SP110: variants seen among roughly 807,000 people sequenced by gnomAD.
SP110 encodes interferon-induced protein 41, 30kD.
A neutral mutation model predicts 92.7 loss-of-function variants in SP110; 62 were observed. The ratio of observed to expected loss-of-function variants is 0.67; its 90% confidence interval spans 0.55 to 0.83. The LOEUF (loss-of-function observed/expected upper bound fraction) is 0.83. SP110 is among the 40% of genes least tolerant of loss of function. SP110 has a pLI of 0.00. For synonymous variants in SP110, 273 were observed against 305.3 expected (o/e 0.89, Z 1.10); for missense variants, 793 against 863.9 (o/e 0.92, Z 1.03).
chr2:230,178,367 G>A, intron 12 of SP110, 112 bp from the exon 13 acceptor site: 1 of 711,708 alleles, frequency 1.4e-6, no homozygotes, highest in Non-Finnish European at 2.5e-6. Context: ...AACGTTCTCT[G>A]GTTAGTTTGC....
chr2:230,168,612 A>T lies in SP110; in HGVS notation c.*512T>A, dbSNP rs1450110955. ...AAACAAACCCCTCAAAACCTGAGTT[A>T]AAGCAAGCTTCTAGATCTAACTTCT... is the stretch of plus-strand genomic sequence containing the variant. On this transcript the variant is annotated 3_prime_UTR_variant, in exon 19 of 19. Transcript: ENST00000258381. The T allele has an allele frequency of 3.3e-5, 5 of 153,686 alleles. No individual in the cohort carries two copies. The highest frequency in any genetic ancestry group is 3.4e-3 in the Middle Eastern group (1 of 294). 9.5% of individuals were successfully genotyped at this position (153,686 alleles called of 1,614,324 possible).
chr2:230,225,581 C>T (rs1281769905), exon 1 of SP110: 5 of 545,730 alleles, frequency 9.2e-6, no homozygotes, highest in Non-Finnish European at 1.3e-5. Flanking sequence ...TTTCCACCCT[C>T]TTTCCTTGGC....
chr2:230,185,768 G>A (rs2042326965), intron 11 of SP110, among the ~76,000 whole-genome samples: 1 of 152,206 alleles, frequency 6.6e-6, no homozygotes, highest in Non-Finnish European at 1.5e-5. Context: ...CTGGGGAGTA[G>A]TCATGTAAAT....
Position 230,172,081 on chromosome 2 carries a change from C to G in SP110, c.1800G>C (p.Gln600His), listed in dbSNP as rs2078459015. 26 of 1,605,552 alleles carry G rather than the reference C, an allele frequency of 1.6e-5. No individual in the cohort carries two copies. The highest frequency in any genetic ancestry group is 2.1e-5 in the Non-Finnish European group (25 of 1,172,174). The change falls in exon 16 of 19, where the codon CAG (glutamine) becomes CAC (histidine). Residue 600 changes from glutamine (Q) to histidine (H), a missense_variant. Transcript: ENST00000258381. ...TCCAACTCACCAGCTGGTCCTGAGG[C>G]TGCATCTGCCTCTCCAGGGTCTTAG... The part of the protein sequence containing the change: ...HVSKTLERQM[Q>H]PQDQLKCEFL...
At chr2:230,218,641 G>A (rs1005678703) in intron 1 of SP110, among the ~76,000 whole-genome samples, 1 of 152,180 alleles carries the variant, frequency 6.6e-6, no homozygotes, top group African/African-American at 2.4e-5. Flanking sequence ...TCTGTCATGA[G>A]TCCCAAAGAT....
chr2:230,176,864 T>C, intron 14 of SP110: 1 of 837,440 alleles, frequency 1.2e-6, no homozygotes, highest in Non-Finnish European at 1.9e-6. Flanking sequence ...AAAGAAAAAT[T>C]AGCTCCCTCC....
At chr2:230,183,448 A>T (rs1344829525) in intron 12 of SP110, 124 bp downstream of exon 12, 1 of 779,488 alleles carries the variant, frequency 1.3e-6, no homozygotes, top group East Asian at 2.4e-5. Flanking sequence ...GCTGGTACCC[A>T]TGACGGTGGA....
At chr2:230,170,832 A>G in intron 17 of SP110, 71 bp from the exon 18 acceptor site, 2 of 1,480,960 alleles carry the variant, frequency 1.4e-6, no homozygotes, top group Non-Finnish European at 1.9e-6. Flanking sequence ...ACTTAAATAC[A>G]ATCCAAGCCT....
At chr2:230,182,309 G>C (rs1560535972) in intron 12 of SP110, among the ~76,000 whole-genome samples, 2 of 152,266 alleles carry the variant, frequency 1.3e-5, no homozygotes, top group African/African-American at 2.4e-5. Context: ...GGCCTATCAG[G>C]GGAGCAGGAG....
intron 1 of SP110, among the ~76,000 whole-genome samples, chr2:230,218,161 A>G (rs1057234547): frequency 2.0e-5 from 3 of 152,252 alleles, no homozygotes; most frequent in African/African-American, 7.2e-5. Context: ...AAAACATTCA[A>G]TCAACTTGAC....
intron 1 of SP110, among the ~76,000 whole-genome samples, chr2:230,217,204 C>A (rs1216278113): frequency 7.1e-6 from 1 of 140,388 alleles, no homozygotes; most frequent in Non-Finnish European, 1.5e-5. Context: ...CAAGATTGTG[C>A]CACTGCACTC....
intron 10 of SP110, among the ~76,000 whole-genome samples, chr2:230,198,133 C>CTGTAGGGCCGGAAGTCCTT (rs1553537782): frequency 6.6e-6 from 1 of 152,146 alleles, no homozygotes; most frequent in African/African-American, 2.4e-5. Flanking sequence ...TGGAAGTCCT[C>CTGTAGGGCCGGAAGTCCTT]TGTAGGGCCC....
At chr2:230,187,651 C>T (rs1320872161) in intron 10 of SP110, among the ~76,000 whole-genome samples, 1 of 152,016 alleles carries the variant, frequency 6.6e-6, no homozygotes, top group Non-Finnish European at 1.5e-5. Context: ...TTTGATCCAT[C>T]TTGAGTTAAT....
chr2:230,180,121 A>T (rs1487336531), intron 12 of SP110, among the ~76,000 whole-genome samples: 1 of 152,182 alleles, frequency 6.6e-6, no homozygotes, highest in Admixed American at 6.5e-5. Context: ...AGCAGCGGTG[A>T]GTTTAGGTCC....
In SP110 at chr2:230,178,013, G is replaced by T. The variant is rs545848913; in HGVS notation, c.1447+144C>A. The T allele has an allele frequency of 5.0e-5, 35 of 706,902 alleles. No homozygotes were observed. In the East Asian group the frequency reaches 9.5e-4, roughly 19 times the overall value. 43.8% of individuals were successfully genotyped at this position (706,902 alleles called of 1,614,324 possible). On this transcript the variant is annotated intron_variant, in intron 13 of 18. Transcript: ENST00000258381. ...GAAATACCATGATGTGGAAGAGTTTGGAAATTCCTTCCTAAGAAGCGTTTC... is the reference window on the plus strand; with the variant it reads ...GAAATACCATGATGTGGAAGAGTTTTGAAATTCCTTCCTAAGAAGCGTTTC...
chr2:230,207,172 G>A (rs2043959068), intron 8 of SP110, among the ~76,000 whole-genome samples: 1 of 152,130 alleles, frequency 6.6e-6, no homozygotes, highest in Admixed American at 6.6e-5. Context: ...CAGGAGGAAA[G>A]GATGATGGCT....
chr2:230,171,025 C>T, intron 17 of SP110: 1 of 549,704 alleles, frequency 1.8e-6, no homozygotes. Context: ...GGTCAAGGAA[C>T]CTACCCAAGA....
chr2:230,208,381 T>C (rs897630178), intron 7 of SP110, among the ~76,000 whole-genome samples: 2 of 152,180 alleles, frequency 1.3e-5, no homozygotes, highest in African/African-American at 4.8e-5. Context: ...CTGTGATACA[T>C]GTAATGCAGA....
Position 230,211,532 on chromosome 2 carries a change from G to A in SP110, c.689C>T (p.Pro230Leu). 6.2e-7 allele frequency: 1 copy of A among 1,610,662 alleles called. No individual in the cohort carries two copies. Among genetic ancestry groups the A allele is most frequent in the South Asian group, 1.1e-5 (1 of 90,998 alleles). ...TVQVASDNLI[P>L]QIRDKEDPQE... The stretch of plus-strand genomic sequence containing the variant: ...AGGGTCTTCTTTATCTCTTATTTGG[G>A]GGATCAGGTTGTCACTGGCCACTGA... Residue 230 changes from proline to leucine, a missense_variant, in exon 6 of 19, where the codon CCC becomes CTC. Coordinates refer to ENST00000258381, the MANE Select transcript of SP110 (RefSeq NM_080424.4). The surrounding 1 kb of genome is among the most constrained non-coding windows in gnomAD (Gnocchi z 4.2).
Sources: allele counts gnomAD v4.1 joint callset (sites outside exome capture counted in the v4.1 genomes callset), GRCh38; gene constraint gnomAD v4.1.1; non-coding constraint Gnocchi (gnomAD v3.1); transcripts MANE v1.5; gene names NCBI Gene and HGNC (gene_info 2026-07-23, HGNC 2026-07-21).